Variants in CNEP1R1 observed in about 807,000 individuals in gnomAD.
The protein encoded by CNEP1R1 is CTD nuclear envelope phosphatase 1 regulatory subunit 1.
In CNEP1R1, 10 loss-of-function variants were observed where a neutral mutation model predicts 22.7. That is an observed-to-expected ratio of 0.44 (90% CI 0.27 to 0.75). CNEP1R1 has a LOEUF of 0.75. Ranked by LOEUF, CNEP1R1 falls within the 30% of genes least tolerant of loss-of-function variation. CNEP1R1 has a pLI of 0.17. For synonymous variants in CNEP1R1, 53 were observed against 50.1 expected, an observed-to-expected ratio of 1.06 and a Z score of -0.25; for missense variants, 73 against 151.5, an observed-to-expected ratio of 0.48 and a Z score of 2.72.
In CNEP1R1 at chr16:50,031,189, C is replaced by T. The variant is rs189199898; in HGVS notation, c.171+1391C>T. 1.2e-3 allele frequency among the ~76,000 whole-genome samples: 187 copies of T among 152,260 alleles called. 1 individual carries two copies. Among genetic ancestry groups the T allele is most frequent in the Non-Finnish European group, 2.6e-4 (18 of 68,016 alleles). On this transcript the variant is annotated intron_variant, in intron 3 of 5. Coordinates refer to ENST00000427478, the MANE Select transcript of CNEP1R1 (RefSeq NM_001281789.2). ...ACTACTTTCAGTAGCTCTATTTGTACCTTTTAGGTTTTACAGAAGAAAAGC... is the reference window on the plus strand; with the variant it reads ...ACTACTTTCAGTAGCTCTATTTGTATCTTTTAGGTTTTACAGAAGAAAAGC...
intron 5 of CNEP1R1, chr16:50,034,721 G>C (rs1306713502): frequency 6.5e-6 from 1 of 154,822 alleles, no homozygotes; most frequent in Non-Finnish European, 1.4e-5. Context: ...GGCAACATTA[G>C]CAAGACCCCA....
rs1343686593 is a variant in CNEP1R1, at chr16:50,036,557, TAGAC to T, written c.*1102_*1105del. On this transcript the variant is annotated 3_prime_UTR_variant, in exon 6 of 6. Transcript: ENST00000427478. ...TAGATAACTGGATTTTACGCTGTGG[TAGAC>T]AGGCTGTGACACTAGTGTTGCACAG... 2.6e-5 allele frequency: 4 copies of T among 152,362 alleles called. No homozygotes were observed. The highest frequency in any genetic ancestry group is 3.4e-3 in the Middle Eastern group (1 of 294). The allele number at this position is 152,362 out of a possible 1,614,324, so 9.4% of individuals were successfully genotyped here.
chr16:50,026,992 A>G (rs2036190158), intron 2 of CNEP1R1: 1 of 152,146 alleles, frequency 6.6e-6, no homozygotes, highest in Non-Finnish European at 1.5e-5. Flanking sequence ...AATAATAAAA[A>G]TATTTAAATT....
intron 1 of CNEP1R1, 172 bp from the exon 2 acceptor site, chr16:50,026,224 A>G (rs746923943): frequency 2.0e-5 from 10 of 492,948 alleles, no homozygotes; most frequent in Non-Finnish European, 3.6e-5. Context: ...AAGTGCTTAA[A>G]AAGCTGTCAT....
chr16:50,029,925 AT>A (rs2036217369), intron 3 of CNEP1R1, 127 bp downstream of exon 3: 9 of 545,058 alleles, frequency 1.7e-5, no homozygotes, highest in South Asian at 2.5e-5. Flanking sequence ...CATATTAAAA[AT>A]ATGCCTTTTA....
chr16:50,030,465 A>G (rs559503699), intron 3 of CNEP1R1, among the ~76,000 whole-genome samples: 2 of 152,288 alleles, frequency 1.3e-5, no homozygotes, highest in East Asian at 3.9e-4. Context: ...AAAATTGTAA[A>G]ATAACATTTT....
At chr16:50,029,273 A>G (rs1468715545) in intron 2 of CNEP1R1, among the ~76,000 whole-genome samples, 1 of 152,202 alleles carries the variant, frequency 6.6e-6, no homozygotes, top group Non-Finnish European at 1.5e-5. Flanking sequence ...TAATGTAACC[A>G]TGGCAGTCAT....
At chr16:50,030,930 A>G (rs2036226153) in intron 3 of CNEP1R1, among the ~76,000 whole-genome samples, 1 of 152,224 alleles carries the variant, frequency 6.6e-6, no homozygotes, top group Non-Finnish European at 1.5e-5. Flanking sequence ...TCATAATGTT[A>G]TTCCTTGAAG....
intron 3 of CNEP1R1, among the ~76,000 whole-genome samples, chr16:50,031,031 T>A (rs920527491): frequency 1.3e-5 from 2 of 152,242 alleles, no homozygotes; most frequent in Non-Finnish European, 2.9e-5. Flanking sequence ...GGCTTTTTTT[T>A]ATTAGAGAAG....
intron 5 of CNEP1R1, chr16:50,034,392 A>G: frequency 4.0e-6 from 2 of 500,138 alleles, no homozygotes; most frequent in Non-Finnish European, 7.3e-6. Flanking sequence ...ATCTTTCTTA[A>G]TGACATAAAA....
intron 1 of CNEP1R1, chr16:50,025,646 C>T (rs748876335): frequency 1.2e-5 from 20 of 1,613,248 alleles, no homozygotes; most frequent in Admixed American, 1.7e-5. Context: ...ATTTCATTCT[C>T]ACAGCCCCGC....
intron 2 of CNEP1R1, among the ~76,000 whole-genome samples, chr16:50,028,106 C>T (rs532731174): frequency 3.9e-5 from 6 of 152,216 alleles, no homozygotes; most frequent in Non-Finnish European, 7.4e-5. Context: ...TACAGGTGCC[C>T]GCCACCACGG....
At chr16:50,026,633 CAAAA>C in intron 2 of CNEP1R1, 166 bp downstream of exon 2, 1 of 608,544 alleles carries the variant, frequency 1.6e-6, no homozygotes, top group South Asian at 2.1e-5. Context: ...CTGGCCTTCT[CAAAA>C]GAACAGTCTA....
At chr16:50,035,354 A>G in intron 5 of CNEP1R1, 63 bp from the exon 6 acceptor site, 1 of 898,562 alleles carries the variant, frequency 1.1e-6, no homozygotes, top group Admixed American at 2.0e-5. Flanking sequence ...AGGTTTATAA[A>G]TAAGCAGTGG....
chr16:50,031,183 T>G (rs1266822891), intron 3 of CNEP1R1, among the ~76,000 whole-genome samples: 2 of 152,216 alleles, frequency 1.3e-5, no homozygotes, highest in Non-Finnish European at 2.9e-5. Context: ...AGTAGCTCTA[T>G]TTGTACCTTT....
chr16:50,032,050 T>G (rs988202702), intron 3 of CNEP1R1, among the ~76,000 whole-genome samples: 3 of 152,176 alleles, frequency 2.0e-5, no homozygotes, highest in African/African-American at 4.8e-5. Flanking sequence ...GGAGCTTCTT[T>G]CCTGGTATTT....
intron 2 of CNEP1R1, among the ~76,000 whole-genome samples, chr16:50,027,679 TA>T (rs80075296): frequency 3.8e-3 from 546 of 142,072 alleles, no homozygotes; most frequent in Middle Eastern, 7.1e-3. Flanking sequence ...ACCCTGTGTT[TA>T]AAAAAAAAAA....
At chr16:50,033,585 C>T (rs772143821) in intron 4 of CNEP1R1, 79 bp downstream of exon 4, 32 of 754,018 alleles carry the variant, frequency 4.2e-5, no homozygotes, top group Middle Eastern at 3.5e-4. Context: ...TTACTCTTGC[C>T]GGGCGTGGTG....
At position 50,026,149 on chromosome 16, in the gene CNEP1R1, C is replaced by T. The variant is rs144383340; in HGVS notation, c.26-247C>T. 653 of 457,728 alleles carry T rather than the reference C, an allele frequency of 1.4e-3. 4 individuals are homozygous for T. The highest frequency in any genetic ancestry group is 0.011 in the African/African-American group (567 of 51,348). The allele number at this position is 457,728 out of a possible 1,614,324, so 28.4% of individuals were successfully genotyped here. ...TCTCCCAATACCATTTATGAAGCTT[C>T]TAAAAGTAAATCAGCAAGTTTTCTT... On this transcript the variant is annotated intron_variant, in intron 1 of 5. Coordinates refer to ENST00000427478, the MANE Select transcript of CNEP1R1 (RefSeq NM_001281789.2).
Sources: allele counts gnomAD v4.1 joint callset (sites outside exome capture counted in the v4.1 genomes callset), GRCh38; gene constraint gnomAD v4.1.1; transcripts MANE v1.5; gene names NCBI Gene and HGNC (gene_info 2026-07-23, HGNC 2026-07-21).